MTUS1: variants seen among roughly 807,000 people sequenced by gnomAD.
MTUS1 encodes microtubule-associated tumor suppressor 1.
A neutral mutation model predicts 120.8 loss-of-function variants in MTUS1; 109 were observed. The observed-to-expected ratio is 0.90, with a 90% CI of 0.77 to 1.06. The LOEUF (loss-of-function observed/expected upper bound fraction) is 1.06. MTUS1 is among the 50% of genes least tolerant of loss of function. MTUS1 has a pLI of 0.00. For missense variants in MTUS1, 2,210 were observed against 1,486.3 expected (o/e 1.49, Z -8.01); for synonymous variants, 737 against 550.5 (o/e 1.34, Z -4.74).
rs567375046 is a variant in MTUS1 at position 17,647,009 on chromosome 8, C to A, written c.3572G>T (p.Arg1191Leu). Residue 1191 changes from arginine (R) to leucine (L), a missense_variant, in exon 14 of 15, where the codon CGG (arginine) becomes CTG (leucine). Physicochemically the swap from Arg to Leu is moderately radical, Grantham distance 102 (BLOSUM62 -2). Transcript: ENST00000693296. ...TGAGATTGCCATGTGCTTGTCCATCCGAGCTTTCAATTCTTCATTCTCCTG... is the reference window on the plus strand; with the variant it reads ...TGAGATTGCCATGTGCTTGTCCATCAGAGCTTTCAATTCTTCATTCTCCTG... Reference protein sequence around the residue: ...FQQENEELKARMDKHMAISRQ... With the variant: ...FQQENEELKALMDKHMAISRQ... 6.2e-7 allele frequency: 1 copy of A among 1,613,874 alleles called. No individual in the cohort carries two copies. The highest frequency in any genetic ancestry group is 2.2e-5 in the East Asian group (1 of 44,874).
intron 6 of MTUS1, among the ~76,000 whole-genome samples, chr8:17,696,063 G>GGGCA (rs1194565795): frequency 1.3e-5 from 2 of 152,094 alleles, no homozygotes; most frequent in African/African-American, 4.8e-5. Flanking sequence ...TGCAAATATA[G>GGGCA]GGCACCCTTT....
At chr8:17,666,589 T>C (rs1282042177) in intron 8 of MTUS1, among the ~76,000 whole-genome samples, 2 of 152,186 alleles carry the variant, frequency 1.3e-5, no homozygotes, top group Admixed American at 6.5e-5. Context: ...TCATTAAAAG[T>C]GCAGATTCCT....
In MTUS1 at chr8:17,666,976, C is replaced by T. The variant is rs571886648; in HGVS notation, c.2905+8210G>A. 1.1e-3 allele frequency among the ~76,000 whole-genome samples: 174 copies of T among 152,266 alleles called. 3 individuals are homozygous for T. The highest frequency in any genetic ancestry group is 3.4e-3 in the Middle Eastern group (1 of 294). ...TCTGCATTTCAACCAGGTCTATTTT[C>T]GTACACAATAAAGTTTGGGAGCCAC... On this transcript the variant is annotated intron_variant, in intron 8 of 14. Coordinates refer to ENST00000693296, the MANE Select transcript of MTUS1 (RefSeq NM_001363059.2).
chr8:17,788,371 G>A (rs1329621701), intron 1 of MTUS1, among the ~76,000 whole-genome samples: 2 of 152,072 alleles, frequency 1.3e-5, no homozygotes, highest in Non-Finnish European at 2.9e-5. Context: ...TTCTTTTTCT[G>A]TAATCTGCTT....
intron 1 of MTUS1, among the ~76,000 whole-genome samples, chr8:17,780,342 T>C (rs2050778087): frequency 6.6e-6 from 1 of 152,190 alleles, no homozygotes; most frequent in African/African-American, 2.4e-5. Flanking sequence ...TGCACAACCA[T>C]GAGCCAATTA....
At chr8:17,661,594 A>G (rs1809710329) in intron 8 of MTUS1, among the ~76,000 whole-genome samples, 1 of 152,142 alleles carries the variant, frequency 6.6e-6, no homozygotes, top group African/African-American at 2.4e-5. Context: ...TAGGATACAC[A>G]GAAGTCCTTT....
At chr8:17,753,274 C>T (rs1489137699) in intron 2 of MTUS1, among the ~76,000 whole-genome samples, 1 of 152,154 alleles carries the variant, frequency 6.6e-6, no homozygotes. Flanking sequence ...GAGCTGCCTC[C>T]TCCGCAAGAG....
In MTUS1 at chr8:17,684,238, A is replaced by G. The variant is rs546068313; in HGVS notation, c.2838+90T>C. The G allele has an allele frequency of 1.1e-4, 101 of 889,390 alleles. No individual in the cohort carries two copies. The African/African-American group carries it at 1.4e-3, about 12-fold the overall frequency. 55.1% of individuals were successfully genotyped at this position (889,390 alleles called of 1,614,324 possible). A position where few individuals can be genotyped will look rare whatever the true frequency, so the allele number is the denominator to read the frequency against. ...ACCTGATCTTTCCCATCATTTACCT[A>G]GATATTCCCAAGGCCAGCGTGTGAG... is the stretch of plus-strand genomic sequence containing the variant. On this transcript the variant is annotated intron_variant, in intron 7 of 14. Coordinates refer to ENST00000693296, the MANE Select transcript of MTUS1 (RefSeq NM_001363059.2).
In MTUS1 at chr8:17,684,327, C is replaced by T; in HGVS notation, c.2838+1G>A. The T allele has an allele frequency of 6.2e-7, 1 of 1,613,234 alleles. No individual in the cohort carries two copies. Among genetic ancestry groups the T allele is most frequent in the South Asian group, 1.1e-5 (1 of 91,058 alleles). ...GCTCTTTCTAGGATGCACCTCCTTA[C>T]CTCAGACAGCAGGTGCTGAATCACA... On this transcript the variant is annotated splice_donor_variant, in intron 7 of 14. Coordinates refer to ENST00000693296, the MANE Select transcript of MTUS1 (RefSeq NM_001363059.2). LOFTEE classifies it high-confidence loss of function.
chr8:17,681,387 A>T (rs900543201), intron 7 of MTUS1, among the ~76,000 whole-genome samples: 44 of 152,232 alleles, frequency 2.9e-4, no homozygotes, highest in African/African-American at 9.9e-4. Context: ...GATGACGTAC[A>T]GGAAGTTTAC....
intron 9 of MTUS1, 30 bp downstream of exon 9, chr8:17,655,833 C>T: frequency 1.2e-6 from 2 of 1,606,528 alleles, no homozygotes; most frequent in Non-Finnish European, 1.7e-6. Flanking sequence ...GCAGAGGCCT[C>T]AGACAAGCTC....
Position 17,743,695 on chromosome 8 carries a change from AG to A in MTUS1, c.2195del (p.Pro732LeufsTer5), listed in dbSNP as rs754254988. 1.2e-6 allele frequency: 2 copies of A among 1,614,192 alleles called. No homozygotes were observed. Among genetic ancestry groups the A allele is most frequent in the Non-Finnish European group, 1.7e-6 (2 of 1,180,028 alleles). ...CACTGTTCCGCCTCAAACAGGAAACAGGGGGCCCCACTTTGGCTTTTGGAGC... is the reference window on the plus strand; with the variant it reads ...CACTGTTCCGCCTCAAACAGGAAACAGGGGCCCCACTTTGGCTTTTGGAGC... The part of the protein sequence containing the change: ...IAAPKAKVGP[P>X]VSCLRRNSDN... On this transcript the variant is annotated frameshift_variant, in exon 3 of 15. Coordinates refer to ENST00000693296, the MANE Select transcript of MTUS1 (RefSeq NM_001363059.2). LOFTEE classifies it high-confidence loss of function.
intron 1 of MTUS1, among the ~76,000 whole-genome samples, chr8:17,765,601 A>G (rs2049417017): frequency 7.2e-6 from 1 of 138,156 alleles, no homozygotes; most frequent in Admixed American, 7.9e-5. Flanking sequence ...CCTAGGAAAC[A>G]GAGCAAGACT....
chr8:17,711,553 C>A (rs998722687), intron 6 of MTUS1, among the ~76,000 whole-genome samples: 4 of 152,176 alleles, frequency 2.6e-5, no homozygotes, highest in African/African-American at 9.7e-5. Context: ...GTGAAAGTTG[C>A]AGCTGGCTTA....
intron 6 of MTUS1, among the ~76,000 whole-genome samples, chr8:17,688,917 A>G (rs144903933): frequency 6.6e-6 from 1 of 152,304 alleles, no homozygotes; most frequent in East Asian, 1.9e-4. Context: ...GACATTTAGA[A>G]TTACCCAAGC....
At chr8:17,721,676 C>T (rs769251743) in intron 4 of MTUS1, 2 of 1,533,828 alleles carry the variant, frequency 1.3e-6, no homozygotes, top group Non-Finnish European at 1.8e-6. Flanking sequence ...TTTAAGCATG[C>T]TTACAAAGAA....
intron 1 of MTUS1, among the ~76,000 whole-genome samples, chr8:17,772,680 A>G (rs1563367165): frequency 6.6e-6 from 1 of 152,238 alleles, no homozygotes; most frequent in African/African-American, 2.4e-5. Flanking sequence ...AGTATGTTCA[A>G]CTTCTTCTTA....
chr8:17,715,663 A>T, intron 5 of MTUS1, 104 bp downstream of exon 5: 1 of 1,151,274 alleles, frequency 8.7e-7, no homozygotes, highest in Non-Finnish European at 1.2e-6. Context: ...ATTTGTAATC[A>T]TTGTTGACTA....
At chr8:17,774,518 T>C (rs1395444692) in intron 1 of MTUS1, among the ~76,000 whole-genome samples, 1 of 152,178 alleles carries the variant, frequency 6.6e-6, no homozygotes, top group African/African-American at 2.4e-5. Context: ...TCAACATCAT[T>C]AGTCTTTAGC....
Sources: allele counts gnomAD v4.1 joint callset (sites outside exome capture counted in the v4.1 genomes callset), GRCh38; gene constraint gnomAD v4.1.1; transcripts MANE v1.5; gene names NCBI Gene and HGNC (gene_info 2026-07-23, HGNC 2026-07-21).